The following RAB31 variants were observed in gnomAD, a reference collection of about 807,000 sequenced individuals.
RAB31 encodes RAB31, member RAS oncogene family, also known as ras-related protein Rab-31.
In RAB31, 21 loss-of-function variants were observed where a neutral mutation model predicts 25.6. The observed-to-expected ratio is 0.82, with a 90% confidence interval of 0.58 to 1.18. The LOEUF is 1.18. Ranked by LOEUF, RAB31 falls within the 50% of genes most tolerant of loss-of-function variation. The pLI is 0.00. For missense variants in RAB31, 196 were observed against 250.1 expected, an observed-to-expected ratio of 0.78 and a Z score of 1.46; for synonymous variants, 87 against 84.0, an observed-to-expected ratio of 1.04 and a Z score of -0.20.
intron 1 of RAB31, among the ~76,000 whole-genome samples, chr18:9,732,491 GCC>G (rs2068128695): frequency 6.6e-6 from 1 of 152,170 alleles, no homozygotes; most frequent in African/African-American, 2.4e-5. Flanking sequence ...CCTCACAACG[GCC>G]CTGTTAGCGG....
chr18:9,747,348 CAT>C (rs2068210839), intron 1 of RAB31, among the ~76,000 whole-genome samples: 1 of 152,154 alleles, frequency 6.6e-6, no homozygotes, highest in Non-Finnish European at 1.5e-5. Flanking sequence ...AAAAGTTAAA[CAT>C]AGAGTTACCA....
intron 1 of RAB31, among the ~76,000 whole-genome samples, chr18:9,767,456 A>G (rs1484207647): frequency 6.6e-6 from 1 of 152,232 alleles, no homozygotes; most frequent in Non-Finnish European, 1.5e-5. Flanking sequence ...AGCAGTGCTT[A>G]GTGAGTTTGT....
At chr18:9,755,455 G>C (rs1305777121) in intron 1 of RAB31, among the ~76,000 whole-genome samples, 1 of 152,216 alleles carries the variant, frequency 6.6e-6, no homozygotes, top group Non-Finnish European at 1.5e-5. Flanking sequence ...CTGTGCTGGA[G>C]GAGTTGGAGG....
chr18:9,779,624 G>A (rs1054685285), intron 2 of RAB31, among the ~76,000 whole-genome samples: 3 of 152,090 alleles, frequency 2.0e-5, no homozygotes, highest in Admixed American at 6.6e-5. Flanking sequence ...GCAATATTTG[G>A]GACATGTGTA....
At chr18:9,769,538 G>T (rs1343658459) in intron 1 of RAB31, among the ~76,000 whole-genome samples, 1 of 152,172 alleles carries the variant, frequency 6.6e-6, no homozygotes, top group African/African-American at 2.4e-5. Flanking sequence ...CATTGATTTT[G>T]TATCCTGAGA....
chr18:9,857,954 C>T (rs527691848), intron 6 of RAB31, among the ~76,000 whole-genome samples: 1 of 152,190 alleles, frequency 6.6e-6, no homozygotes, highest in South Asian at 2.1e-4. Flanking sequence ...CCCTTTAGCC[C>T]CGGAATTCGA....
chr18:9,859,210 G>A lies in RAB31; in HGVS notation c.491-18G>A. The A allele has an allele frequency of 6.3e-7, 1 of 1,593,130 alleles. No individual in the cohort carries two copies. The highest frequency in any genetic ancestry group is 8.6e-7 in the Non-Finnish European group (1 of 1,161,096). ...CTGTAGGAAAGGGAACTCACCCTTGGCCTCCTTTTTGTTGCAGGCCGCCAG... is the reference window on the plus strand; with the variant it reads ...CTGTAGGAAAGGGAACTCACCCTTGACCTCCTTTTTGTTGCAGGCCGCCAG... On this transcript the variant is annotated intron_variant, in intron 6 of 6. Transcript: ENST00000578921.
intron 1 of RAB31, among the ~76,000 whole-genome samples, chr18:9,760,552 A>G (rs1862315179): frequency 6.6e-6 from 1 of 152,120 alleles, no homozygotes; most frequent in Non-Finnish European, 1.5e-5. Context: ...CTGCATTTCA[A>G]ATAGAATGAT....
Position 9,859,328 on chromosome 18 carries a change from C to G in RAB31, c.*3C>G. On this transcript the variant is annotated 3_prime_UTR_variant, in exon 7 of 7. Transcript: ENST00000578921. ...AAGCCAGCCGCCGGTGCTGTTGACC[C>G]AAGGGCCGTGGTCCACGGTACTTGA... is the stretch of plus-strand genomic sequence containing the variant. The G allele has an allele frequency of 1.2e-6, 2 of 1,607,752 alleles. No individual in the cohort carries two copies. Among genetic ancestry groups the G allele is most frequent in the Non-Finnish European group, 1.7e-6 (2 of 1,174,266 alleles).
chr18:9,781,255 G>C (rs540307426), intron 2 of RAB31, among the ~76,000 whole-genome samples: 1 of 151,972 alleles, frequency 6.6e-6, no homozygotes, highest in African/African-American at 2.4e-5. Context: ...TTTTCTCGTA[G>C]CTTAATGTTT....
intron 3 of RAB31, among the ~76,000 whole-genome samples, chr18:9,798,123 A>G (rs1269101791): frequency 6.6e-6 from 1 of 152,256 alleles, no homozygotes; most frequent in Non-Finnish European, 1.5e-5. Flanking sequence ...CAGTAGGGAT[A>G]TTCTTTCTTT....
At chr18:9,776,115 G>A (rs1166243755) in intron 2 of RAB31, among the ~76,000 whole-genome samples, 2 of 152,282 alleles carry the variant, frequency 1.3e-5, no homozygotes, top group East Asian at 1.9e-4. Context: ...TCTAATGCCA[G>A]CATTTCCACT....
intron 1 of RAB31, among the ~76,000 whole-genome samples, chr18:9,721,162 G>T (rs1295942433): frequency 1.3e-5 from 2 of 152,120 alleles, no homozygotes. Flanking sequence ...TCTGTGTGTG[G>T]CATATCTGTT....
chr18:9,761,320 T>C (rs2068287618), intron 1 of RAB31, among the ~76,000 whole-genome samples: 2 of 152,196 alleles, frequency 1.3e-5, no homozygotes. Flanking sequence ...TAAACCTTAA[T>C]GTCCTGATTT....
chr18:9,710,267 C>T (rs553096651), intron 1 of RAB31, among the ~76,000 whole-genome samples: 1 of 152,320 alleles, frequency 6.6e-6, no homozygotes, highest in Non-Finnish European at 1.5e-5. Flanking sequence ...GGCATAATAA[C>T]ATGTTCCCCC....
intron 1 of RAB31, among the ~76,000 whole-genome samples, chr18:9,752,313 C>G (rs1158570706): frequency 6.6e-6 from 1 of 152,106 alleles, no homozygotes. Flanking sequence ...CAACCTGTGC[C>G]TCCTGGGTTC....
intron 5 of RAB31, among the ~76,000 whole-genome samples, chr18:9,820,676 A>G (rs1427732029): frequency 6.6e-6 from 1 of 151,986 alleles, no homozygotes; most frequent in African/African-American, 2.4e-5. Flanking sequence ...TTATCTCATA[A>G]TCTTTTTTTC....
At chr18:9,802,032 T>C (rs1393038344) in intron 3 of RAB31, among the ~76,000 whole-genome samples, 2 of 152,230 alleles carry the variant, frequency 1.3e-5, no homozygotes, top group Middle Eastern at 3.4e-3. Context: ...TCCTTTGATA[T>C]ACATTTTTTC....
At chr18:9,769,343 C>G (rs2068332338) in intron 1 of RAB31, among the ~76,000 whole-genome samples, 1 of 152,116 alleles carries the variant, frequency 6.6e-6, no homozygotes. Flanking sequence ...AATGTTCTTC[C>G]ATTTGTATGT....
Sources: gnomAD v4.1 joint callset for allele counts (sites outside exome capture counted in the v4.1 genomes callset) on GRCh38, gnomAD v4.1.1 for gene constraint, MANE v1.5 for transcripts, NCBI Gene and HGNC (gene_info 2026-07-23, HGNC 2026-07-21) for gene names.